The following KCNK12 variants were observed in gnomAD, a reference collection of about 807,000 sequenced individuals.
KCNK12 encodes the protein potassium channel subfamily K member 12.
Under a neutral mutation model 25.3 loss-of-function variants are expected in KCNK12, and 6 were observed. The observed-to-expected ratio is 0.24, with a 90% CI of 0.13 to 0.47. The LOEUF is 0.47. Among genes scored for constraint, KCNK12 ranks in the 20% least tolerant of loss-of-function variants. The probability of loss-of-function intolerance (pLI) is 0.99; values close to 1 mark genes in which losing one functional copy is unlikely to be tolerated. For synonymous variants in KCNK12, 331 were observed against 311.1 expected (o/e 1.06, Z -0.67); for missense variants, 444 against 661.7 (o/e 0.67, Z 3.61).
intron 1 of KCNK12, among the ~76,000 whole-genome samples, chr2:47,561,650 G>A (rs1033987919): frequency 5.9e-5 from 9 of 152,310 alleles, no homozygotes; most frequent in African/African-American, 1.9e-4. Context: ...GCTACTCATG[G>A]TTACCAGGCA....
chr2:47,536,143 T>C (rs577957745), intron 1 of KCNK12, among the ~76,000 whole-genome samples: 2 of 152,220 alleles, frequency 1.3e-5, no homozygotes, highest in African/African-American at 4.8e-5. Flanking sequence ...TCTGCCCAGA[T>C]CACTCTCCAG....
chr2:47,522,915 A>G (rs946000377), intron 1 of KCNK12, among the ~76,000 whole-genome samples: 7 of 152,098 alleles, frequency 4.6e-5, no homozygotes, highest in African/African-American at 1.4e-4. Context: ...CAAGTGTGCC[A>G]TAGATTTTCG....
In KCNK12 at chr2:47,529,457, A is replaced by G. The variant is rs1344402359; in HGVS notation, c.392-7649T>C. On this transcript the variant is annotated intron_variant, in intron 1 of 1. Transcript: ENST00000327876. The surrounding 1 kb of genome is among the most constrained non-coding windows in gnomAD (Gnocchi z 4.3). ...GACCCTATTGGTTGGAATCTGTCCA[A>G]CTACAAATATTTTGATTTAAATTTC... 6.6e-6 allele frequency among the ~76,000 whole-genome samples: 1 copy of G among 152,274 alleles called. No individual in the cohort carries two copies. The highest frequency in any genetic ancestry group is 2.1e-4 in the South Asian group (1 of 4,830).
intron 1 of KCNK12, among the ~76,000 whole-genome samples, chr2:47,537,822 A>G (rs973102144): frequency 6.6e-6 from 1 of 152,220 alleles, no homozygotes; most frequent in African/African-American, 2.4e-5. Context: ...TGAAAATGAC[A>G]GTAAGGGAGA....
rs1669551888 is a variant in KCNK12, at chr2:47,556,417, A to T, written c.391+13524T>A. Among the ~76,000 whole-genome samples, 1 of 152,154 alleles carries T rather than the reference A, an allele frequency of 6.6e-6. No individual in the cohort carries two copies. The highest frequency in any genetic ancestry group is 1.5e-5 in the Non-Finnish European group (1 of 68,022). ...AGTGTGAAAGAAAGGTAGTTAGCAG[A>T]GAGTGAGGGGAATGGGAGGCTAAAG... On this transcript the variant is annotated intron_variant, in intron 1 of 1. Coordinates refer to ENST00000327876, the MANE Select transcript of KCNK12 (RefSeq NM_022055.2). The surrounding 1 kb of genome is among the most constrained non-coding windows in gnomAD (Gnocchi z 4.8).
intron 1 of KCNK12, among the ~76,000 whole-genome samples, chr2:47,541,574 C>T (rs910648197): frequency 1.3e-5 from 2 of 151,822 alleles, no homozygotes; most frequent in African/African-American, 2.4e-5. Flanking sequence ...AGGTTGAGAT[C>T]GTAACACTCC....
At position 47,557,208 on chromosome 2, in the gene KCNK12, A is replaced by G. The variant is rs116831190; in HGVS notation, c.391+12733T>C. ...GGTGAGAACTTTAAGAGGTGATTGGATCATGTGGGTTCTGTTCTCATGAAT... is the reference window on the plus strand; with the variant it reads ...GGTGAGAACTTTAAGAGGTGATTGGGTCATGTGGGTTCTGTTCTCATGAAT... On this transcript the variant is annotated intron_variant, in intron 1 of 1. Coordinates refer to ENST00000327876, the MANE Select transcript of KCNK12 (RefSeq NM_022055.2). The surrounding 1 kb of genome is among the most constrained non-coding windows in gnomAD (Gnocchi z 4.9). 5.9e-3 allele frequency among the ~76,000 whole-genome samples: 905 copies of G among 152,296 alleles called. 4 individuals carry two copies. The highest frequency in any genetic ancestry group is 0.024 in the Middle Eastern group (7 of 294).
Position 47,551,600 on chromosome 2 carries a change from G to A in KCNK12, c.391+18341C>T, listed in dbSNP as rs2104849732. Among the ~76,000 whole-genome samples, 1 of 152,292 alleles carries A rather than the reference G, an allele frequency of 6.6e-6. No individual in the cohort carries two copies. Among genetic ancestry groups the A allele is most frequent in the East Asian group, 1.9e-4 (1 of 5,180 alleles). ...TCAATGGGAATCATGTTTTCTGGAT[G>A]CCAAATTAGAATACAGGGCCTGCTA... On this transcript the variant is annotated intron_variant, in intron 1 of 1. Coordinates refer to ENST00000327876, the MANE Select transcript of KCNK12 (RefSeq NM_022055.2). The surrounding 1 kb of genome is among the most constrained non-coding windows in gnomAD (Gnocchi z 5.3).
At position 47,560,014 on chromosome 2, in the gene KCNK12, G is replaced by T. The variant is rs1336914705; in HGVS notation, c.391+9927C>A. Among the ~76,000 whole-genome samples, 1 of 152,214 alleles carries T rather than the reference G, an allele frequency of 6.6e-6. No homozygotes were observed. Among genetic ancestry groups the T allele is most frequent in the South Asian group, 2.1e-4 (1 of 4,830 alleles). On this transcript the variant is annotated intron_variant, in intron 1 of 1. Transcript: ENST00000327876. This position sits in a 1 kb window ranked among gnomAD's most constrained non-coding sequence, Gnocchi z 4.7. Reference sequence around the variant, plus strand: ...TGGCAGGCGCTTGGTGCAAGGTCTAGGCAGGGTCTGTTTCAGGACATGACC... The same window carrying T: ...TGGCAGGCGCTTGGTGCAAGGTCTATGCAGGGTCTGTTTCAGGACATGACC...
intron 1 of KCNK12, among the ~76,000 whole-genome samples, chr2:47,542,158 C>T (rs1187054366): frequency 6.6e-6 from 1 of 152,220 alleles, no homozygotes; most frequent in Non-Finnish European, 1.5e-5. Context: ...TTCCATCAGG[C>T]CTGCTGGGCT....
rs1183083511 is a variant in KCNK12 at position 47,566,813 on chromosome 2, A to G, written c.391+3128T>C. On this transcript the variant is annotated intron_variant, in intron 1 of 1. Transcript: ENST00000327876. The surrounding 1 kb of genome is among the most constrained non-coding windows in gnomAD (Gnocchi z 4.1). ...GCATGAAATTGGTGGATATTGCACAACTTGGTTTCTGGACCTAGCTGAACC... is the reference window on the plus strand; with the variant it reads ...GCATGAAATTGGTGGATATTGCACAGCTTGGTTTCTGGACCTAGCTGAACC... 1 of 152,178 alleles carries G rather than the reference A, an allele frequency of 6.6e-6. No individual in the cohort carries two copies. The highest frequency in any genetic ancestry group is 2.4e-5 in the African/African-American group (1 of 41,450). 9.4% of individuals were successfully genotyped at this position (152,178 alleles called of 1,614,324 possible). A position where few individuals can be genotyped will look rare whatever the true frequency, so the allele number is the denominator to read the frequency against.
intron 1 of KCNK12, chr2:47,527,598 C>T: frequency 6.6e-6 from 1 of 152,476 alleles, no homozygotes; most frequent in Non-Finnish European, 1.5e-5. Flanking sequence ...TCTCTGGGGG[C>T]CTCTTCTGAC....
intron 1 of KCNK12, among the ~76,000 whole-genome samples, chr2:47,541,071 C>T (rs573176555): frequency 6.6e-6 from 1 of 152,296 alleles, no homozygotes; most frequent in African/African-American, 2.4e-5. Context: ...GCCCTATTGC[C>T]CAGTTTGAGT....
In KCNK12 at chr2:47,511,613, C is replaced by T. The variant is rs967708742; in HGVS notation, c.*9294G>A. Among the ~76,000 whole-genome samples the T allele has an allele frequency of 2.0e-5, 3 of 152,018 alleles. No homozygotes were observed. The highest frequency in any genetic ancestry group is 7.3e-5 in the African/African-American group (3 of 41,368). Reference sequence around the variant, plus strand: ...TGGGGGTGGGAGAGGGATGGGTGCACGGTGAACAGCAGGTGGGGGTCTTTC... The same window carrying T: ...TGGGGGTGGGAGAGGGATGGGTGCATGGTGAACAGCAGGTGGGGGTCTTTC... On this transcript the variant is annotated 3_prime_UTR_variant, in exon 2 of 2. Transcript: ENST00000327876. The surrounding 1 kb of genome is among the most constrained non-coding windows in gnomAD (Gnocchi z 4.3).
rs531916120 is a variant in KCNK12, at chr2:47,553,057, C to T, written c.391+16884G>A. Among the ~76,000 whole-genome samples the T allele has an allele frequency of 4.7e-4, 71 of 152,314 alleles. No homozygotes were observed. In the South Asian group the frequency reaches 0.014, roughly 31 times the overall value. On this transcript the variant is annotated intron_variant, in intron 1 of 1. Coordinates refer to ENST00000327876, the MANE Select transcript of KCNK12 (RefSeq NM_022055.2). ...CCCAATTCATCCTGCCACAAATATT[C>T]AGCATCCTGGGCTGCCATATAAACA...
At position 47,566,933 on chromosome 2, in the gene KCNK12, T is replaced by C. The variant is rs1473985161; in HGVS notation, c.391+3008A>G. On this transcript the variant is annotated intron_variant, in intron 1 of 1. Coordinates refer to ENST00000327876, the MANE Select transcript of KCNK12 (RefSeq NM_022055.2). The surrounding 1 kb of genome is among the most constrained non-coding windows in gnomAD (Gnocchi z 4.1). Reference sequence around the variant, plus strand: ...CCCTTCTTGTTCTAATCATCTTCAGTGAGGATGGCCAAGATACGTTGCTCA... The same window carrying C: ...CCCTTCTTGTTCTAATCATCTTCAGCGAGGATGGCCAAGATACGTTGCTCA... The C allele has an allele frequency of 6.6e-6, 1 of 152,170 alleles. No individual in the cohort carries two copies. 9.4% of individuals were successfully genotyped at this position (152,170 alleles called of 1,614,324 possible). A position where few individuals can be genotyped will look rare whatever the true frequency, so the allele number is the denominator to read the frequency against.
rs1484652733 is a variant in KCNK12, at chr2:47,520,715, G to C, written c.*192C>G. Reference sequence around the variant, plus strand: ...GGTTCTCCAAGAGGGGACTCACAAGGAACACAGGCGTCCCCAAAACCTGCC... The same window carrying C: ...GGTTCTCCAAGAGGGGACTCACAAGCAACACAGGCGTCCCCAAAACCTGCC... On this transcript the variant is annotated 3_prime_UTR_variant, in exon 2 of 2. Transcript: ENST00000327876. This position sits in a 1 kb window ranked among gnomAD's most constrained non-coding sequence, Gnocchi z 5.0. 2.5e-6 allele frequency: 1 copy of C among 402,770 alleles called. No individual in the cohort carries two copies. The highest frequency in any genetic ancestry group is 2.1e-5 in the African/African-American group (1 of 48,722). 24.9% of individuals were successfully genotyped at this position (402,770 alleles called of 1,614,324 possible).
rs1414937381 is a variant in KCNK12 at position 47,509,558 on chromosome 2, C to T, written c.*11349G>A. 1.3e-5 allele frequency among the ~76,000 whole-genome samples: 2 copies of T among 152,240 alleles called. No homozygotes were observed. The highest frequency in any genetic ancestry group is 4.8e-5 in the African/African-American group (2 of 41,460). ...GTGCAGGATTGTGGTGTCCAGGTGT[C>T]TCTCCTTAGCACATAAGACCCTGTC... is the stretch of plus-strand genomic sequence containing the variant. On this transcript the variant is annotated 3_prime_UTR_variant, in exon 2 of 2. Coordinates refer to ENST00000327876, the MANE Select transcript of KCNK12 (RefSeq NM_022055.2).
At position 47,514,942 on chromosome 2, in the gene KCNK12, A is replaced by G. The variant is rs1668486307; in HGVS notation, c.*5965T>C. Among the ~76,000 whole-genome samples the G allele has an allele frequency of 6.6e-6, 1 of 152,162 alleles. No individual in the cohort carries two copies. Among genetic ancestry groups the G allele is most frequent in the African/African-American group, 2.4e-5 (1 of 41,432 alleles). ...TTCCTTTTTAAAATCTGCTTGTTAG[A>G]TACACTCATAGAAAGGTAACTGGCC... On this transcript the variant is annotated 3_prime_UTR_variant, in exon 2 of 2. Coordinates refer to ENST00000327876, the MANE Select transcript of KCNK12 (RefSeq NM_022055.2). The surrounding 1 kb of genome is among the most constrained non-coding windows in gnomAD (Gnocchi z 5.0).
Sources: gnomAD v4.1 joint callset for allele counts (sites outside exome capture counted in the v4.1 genomes callset) on GRCh38, gnomAD v4.1.1 for gene constraint, Gnocchi (gnomAD v3.1) non-coding constraint, MANE v1.5 for transcripts, NCBI Gene and HGNC (gene_info 2026-07-23, HGNC 2026-07-21) for gene names.